Variants in GABRG3 observed in about 807,000 individuals in gnomAD.
GABRG3 encodes gamma-aminobutyric acid receptor subunit gamma-3.
In GABRG3, 25 loss-of-function variants were observed where a neutral mutation model predicts 48.8. The ratio of observed to expected loss-of-function variants is 0.51; its 90% CI spans 0.37 to 0.72. The LOEUF (loss-of-function observed/expected upper bound fraction) is 0.72, where lower values mean the gene tolerates loss of function less well. Ranked by LOEUF, GABRG3 falls within the 30% of genes least tolerant of loss-of-function variation. The probability of loss-of-function intolerance (pLI) is 0.00; values close to 1 mark genes in which losing one functional copy is unlikely to be tolerated. For synonymous variants in GABRG3, 227 were observed against 217.6 expected (o/e 1.04, Z -0.38); for missense variants, 394 against 577.9 (o/e 0.68, Z 3.26).
At chr15:27,327,527 CCA>C (rs1478093752) in intron 4 of GABRG3, among the ~76,000 whole-genome samples, 3 of 152,136 alleles carry the variant, frequency 2.0e-5, no homozygotes, top group Non-Finnish European at 4.4e-5. Context: ...ACTGACTCGC[CCA>C]CAGTCACCAC....
At chr15:27,421,857 GATATCC>G (rs1888126821) in intron 5 of GABRG3, among the ~76,000 whole-genome samples, 1 of 151,674 alleles carries the variant, frequency 6.6e-6, no homozygotes, top group African/African-American at 2.4e-5. Flanking sequence ...AGTGTTCTAA[GATATCC>G]ATGGGAGTGG....
intron 3 of GABRG3, among the ~76,000 whole-genome samples, chr15:27,088,659 G>T (rs528831009): frequency 6.6e-6 from 1 of 152,232 alleles, no homozygotes; most frequent in African/African-American, 2.4e-5. Context: ...TCTTCGTCAC[G>T]TGGCCAGGAG....
chr15:27,390,816 C>T (rs919591806), intron 5 of GABRG3, among the ~76,000 whole-genome samples: 2 of 152,154 alleles, frequency 1.3e-5, no homozygotes, highest in South Asian at 2.1e-4. Flanking sequence ...AGGCCGGGCA[C>T]GGTGGCTCAT....
At chr15:27,258,091 G>C (rs2140464554) in intron 3 of GABRG3, among the ~76,000 whole-genome samples, 1 of 152,248 alleles carries the variant, frequency 6.6e-6, no homozygotes, top group South Asian at 2.1e-4. Flanking sequence ...CTTGCTAATG[G>C]GTAATGACGG....
intron 3 of GABRG3, among the ~76,000 whole-genome samples, chr15:27,177,548 C>T (rs1231397259): frequency 6.6e-6 from 1 of 152,198 alleles, no homozygotes; most frequent in East Asian, 1.9e-4. Context: ...ATTCTTGCTT[C>T]AAAGTTAAGT....
chr15:27,334,704 G>GC (rs200867104), intron 5 of GABRG3, among the ~76,000 whole-genome samples: 3,477 of 145,460 alleles, frequency 0.024, 53 homozygotes, highest in African/African-American at 0.032. Context: ...ATGTCTATGG[G>GC]CAAAAAAATA....
At chr15:27,087,967 G>A (rs1409408682) in intron 3 of GABRG3, among the ~76,000 whole-genome samples, 1 of 150,978 alleles carries the variant, frequency 6.6e-6, no homozygotes, top group African/African-American at 2.4e-5. Context: ...GCTGTGGAGT[G>A]TGTGTGTGCA....
At chr15:27,336,253 GAAAAA>G (rs1188736688) in intron 5 of GABRG3, among the ~76,000 whole-genome samples, 1 of 131,142 alleles carries the variant, frequency 7.6e-6, no homozygotes, top group Non-Finnish European at 1.6e-5. Context: ...AAGAAAGAAA[GAAAAA>G]GAAAGAAAGA....
At chr15:27,051,993 A>G (rs970117303) in intron 3 of GABRG3, among the ~76,000 whole-genome samples, 6 of 152,194 alleles carry the variant, frequency 3.9e-5, no homozygotes, top group Non-Finnish European at 8.8e-5. Flanking sequence ...CTGATCTGAC[A>G]GGAGGCGGAG....
intron 5 of GABRG3, among the ~76,000 whole-genome samples, chr15:27,401,432 A>T (rs1220481461): frequency 1.3e-5 from 2 of 152,232 alleles, no homozygotes; most frequent in African/African-American, 4.8e-5. Context: ...TGGTACTTGA[A>T]TATTTTCAGG....
chr15:27,012,704 A>G (rs1376420554), intron 2 of GABRG3, among the ~76,000 whole-genome samples: 2 of 152,136 alleles, frequency 1.3e-5, no homozygotes, highest in Admixed American at 6.5e-5. Context: ...TATTCCTTTC[A>G]TAGTACTCAT....
intron 3 of GABRG3, among the ~76,000 whole-genome samples, chr15:27,195,631 T>G (rs1346757350): frequency 6.6e-6 from 1 of 152,008 alleles, no homozygotes. Flanking sequence ...TGTTTTTGTT[T>G]GTTTGTTTTG....
At chr15:27,357,552 C>A (rs1595701582) in intron 5 of GABRG3, among the ~76,000 whole-genome samples, 1 of 152,118 alleles carries the variant, frequency 6.6e-6, no homozygotes, top group Non-Finnish European at 1.5e-5. Context: ...ACATAAGTGA[C>A]ACATTTCTAA....
intron 6 of GABRG3, among the ~76,000 whole-genome samples, chr15:27,493,412 A>C (rs1407320802): frequency 6.6e-6 from 1 of 152,196 alleles, no homozygotes; most frequent in Admixed American, 6.5e-5. Flanking sequence ...ACACAGAGAG[A>C]TTCATAGACC....
At chr15:27,490,070 T>C (rs1448737142) in intron 6 of GABRG3, among the ~76,000 whole-genome samples, 10 of 152,176 alleles carry the variant, frequency 6.6e-5, no homozygotes, top group African/African-American at 2.2e-4. Context: ...GGAAGGGGTC[T>C]ATTTTCAGTT....
chr15:27,522,136 T>C (rs1390604044), intron 7 of GABRG3, among the ~76,000 whole-genome samples: 2 of 151,950 alleles, frequency 1.3e-5, no homozygotes, highest in African/African-American at 4.8e-5. Flanking sequence ...TGTCCTGTCA[T>C]GTGGATGAGC....
chr15:26,990,566 C>G (rs1895229090), intron 2 of GABRG3, among the ~76,000 whole-genome samples: 2 of 152,130 alleles, frequency 1.3e-5, no homozygotes, highest in South Asian at 4.1e-4. Context: ...TTTCTCCCAT[C>G]TGTGAGTTGT....
intron 5 of GABRG3, among the ~76,000 whole-genome samples, chr15:27,431,858 T>G (rs1888463929): frequency 6.6e-6 from 1 of 152,246 alleles, no homozygotes; most frequent in Non-Finnish European, 1.5e-5. Context: ...CGCTCTTGTT[T>G]AAAAGTATTT....
intron 2 of GABRG3, among the ~76,000 whole-genome samples, chr15:27,022,679 T>C (rs1214523505): frequency 2.0e-5 from 3 of 152,142 alleles, no homozygotes; most frequent in African/African-American, 7.2e-5. Context: ...GGTACGTGGC[T>C]CTAGGTGCAT....
Sources: gnomAD v4.1 joint callset for allele counts (sites outside exome capture counted in the v4.1 genomes callset) on GRCh38, gnomAD v4.1.1 for gene constraint, MANE v1.5 for transcripts, NCBI Gene and HGNC (gene_info 2026-07-23, HGNC 2026-07-21) for gene names.